Variants in ANKRD39 observed in about 807,000 individuals in gnomAD.
ANKRD39 encodes the protein ankyrin repeat domain-containing protein 39.
In ANKRD39, 18 loss-of-function variants were observed where a neutral mutation model predicts 20.3. That is an observed-to-expected ratio of 0.89 (90% CI 0.61 to 1.32). The LOEUF (loss-of-function observed/expected upper bound fraction) is 1.32, where lower values mean the gene tolerates loss of function less well. ANKRD39 is among the 40% of genes most tolerant of loss of function. ANKRD39 has a pLI of 0.00. For missense variants in ANKRD39, 243 were observed against 250.7 expected, an observed-to-expected ratio of 0.97 and a Z score of 0.21; for synonymous variants, 106 against 111.9, an observed-to-expected ratio of 0.95 and a Z score of 0.33.
At chr2:96,856,923 G>GT (rs758352177) in intron 1 of ANKRD39, among the ~76,000 whole-genome samples, 10 of 152,178 alleles carry the variant, frequency 6.6e-5, no homozygotes, top group Non-Finnish European at 1.0e-4. Context: ...TGGCTGCGGC[G>GT]TAGTGATTGG....
chr2:96,857,908 T>G lies in ANKRD39; in HGVS notation c.80A>C (p.Glu27Ala). The change falls in exon 1 of 4, where the codon GAG becomes GCG. Residue 27 changes from glutamate to alanine, a missense_variant. By Grantham distance (107) the Glu-to-Ala change is moderately radical. Coordinates refer to ENST00000393537, the MANE Select transcript of ANKRD39 (RefSeq NM_016466.6). ...SAVLGVQQTLEEMDFERGIWS... is the reference protein window; with the variant it reads ...SAVLGVQQTLAEMDFERGIWS... Reference sequence around the variant, plus strand: ...CTCACCCCTCTCGAAGTCCATCTCCTCCAGCGTCTGCTGTACGCCGAGCAC... The same window carrying G: ...CTCACCCCTCTCGAAGTCCATCTCCGCCAGCGTCTGCTGTACGCCGAGCAC... The G allele has an allele frequency of 6.3e-7, 1 of 1,584,474 alleles. No homozygotes were observed. Among genetic ancestry groups the G allele is most frequent in the Non-Finnish European group, 8.5e-7 (1 of 1,171,892 alleles).
chr2:96,848,548 T>G (rs1404770846), intron 3 of ANKRD39, 104 bp from the exon 4 acceptor site: 1 of 1,444,428 alleles, frequency 6.9e-7, no homozygotes, highest in African/African-American at 1.4e-5. Flanking sequence ...GAGGCCTCTC[T>G]GGGCGCAGTG....
chr2:96,851,226 G>A (rs1020171294), intron 3 of ANKRD39, among the ~76,000 whole-genome samples: 24 of 151,576 alleles, frequency 1.6e-4, no homozygotes, highest in African/African-American at 5.3e-4. Flanking sequence ...GCGCGGTCTC[G>A]GCTCACAGCA....
At position 96,853,590 on chromosome 2, in the gene ANKRD39, G is replaced by A; in HGVS notation, c.219C>T (p.Arg73=). 6.2e-7 allele frequency: 1 copy of A among 1,612,076 alleles called. No individual in the cohort carries two copies. Among genetic ancestry groups the A allele is most frequent in the Non-Finnish European group, 8.5e-7 (1 of 1,179,910 alleles). The change falls in exon 3 of 4, where the codon CGC becomes CGT. Residue 73 remains arginine, a synonymous_variant. Coordinates refer to ENST00000393537, the MANE Select transcript of ANKRD39 (RefSeq NM_016466.6). ...ACTGGCACACAGCGTAGTGCCCATTGCGGCTGGCATAGTGCTGCAGGGAAC... is the reference window on the plus strand; with the variant it reads ...ACTGGCACACAGCGTAGTGCCCATTACGGCTGGCATAGTGCTGCAGGGAAC... ...AGYTALHYAS[R]NGHYAVCQFL... is the part of the protein sequence containing the mutation.
chr2:96,857,960 C>A lies in ANKRD39; in HGVS notation c.28G>T (p.Gly10Trp), dbSNP rs372799678. 1.1e-5 allele frequency: 17 copies of A among 1,566,406 alleles called. No homozygotes were observed. The highest frequency in any genetic ancestry group is 1.8e-5 in the Admixed American group (1 of 54,800). MATPRPCAD[G>W]PCCSHPSAVL... is the part of the protein sequence containing the mutation. ...GCGCTGGGATGCGAGCAGCAGGGCC[C>A]GTCCGCGCAGGGCCGAGGCGTCGCC... The change falls in exon 1 of 4, where the codon GGG becomes TGG. Residue 10 changes from glycine (G) to tryptophan (W), a missense_variant. Gly to Trp is a radical substitution (Grantham distance 184). Coordinates refer to ENST00000393537, the MANE Select transcript of ANKRD39 (RefSeq NM_016466.6).
chr2:96,855,722 C>CA (rs566045028), intron 1 of ANKRD39, among the ~76,000 whole-genome samples: 1,801 of 91,202 alleles, frequency 0.02, 13 homozygotes, highest in Non-Finnish European at 0.031. Flanking sequence ...GACTCCGTCT[C>CA]AAAAAAAAAA....
intron 3 of ANKRD39, among the ~76,000 whole-genome samples, chr2:96,851,487 T>TC (rs2079836845): frequency 6.6e-6 from 1 of 152,072 alleles, no homozygotes. Context: ...AGATGGGTTT[T>TC]GCCATGTTGC....
At position 96,851,997 on chromosome 2, in the gene ANKRD39, T is replaced by A. The variant is rs74535942; in HGVS notation, c.408+1404A>T. ...GTCGAGACGATAGTGAGAGACCCTGTCTCTACTACTACTACTAATAATTTT... is the reference window on the plus strand; with the variant it reads ...GTCGAGACGATAGTGAGAGACCCTGACTCTACTACTACTACTAATAATTTT... On this transcript the variant is annotated intron_variant, in intron 3 of 3. Coordinates refer to ENST00000393537, the MANE Select transcript of ANKRD39 (RefSeq NM_016466.6). Among the ~76,000 whole-genome samples, 853 of 152,138 alleles carry A rather than the reference T, an allele frequency of 5.6e-3. 11 individuals carry two copies. The highest frequency in any genetic ancestry group is 0.019 in the African/African-American group (807 of 41,474).
intron 3 of ANKRD39, among the ~76,000 whole-genome samples, chr2:96,852,653 G>A (rs893018762): frequency 3.3e-5 from 5 of 151,888 alleles, no homozygotes; most frequent in Non-Finnish European, 5.9e-5. Flanking sequence ...TTAAACAATC[G>A]CTCCAGGAGA....
chr2:96,855,708 G>C (rs1312213985), intron 1 of ANKRD39, among the ~76,000 whole-genome samples: 4 of 145,426 alleles, frequency 2.8e-5, no homozygotes, highest in Admixed American at 1.4e-4. Flanking sequence ...GGGCGACAGA[G>C]CGAGACTCCG....
chr2:96,856,157 G>T (rs1490566131), intron 1 of ANKRD39, among the ~76,000 whole-genome samples: 1 of 152,146 alleles, frequency 6.6e-6, no homozygotes, highest in Non-Finnish European at 1.5e-5. Flanking sequence ...TGAGGAAATT[G>T]TTTGCGGTAA....
rs367607424 is a variant in ANKRD39, at chr2:96,857,954, A to C, written c.34T>G (p.Cys12Gly). 2.5e-6 allele frequency: 4 copies of C among 1,572,020 alleles called. No individual in the cohort carries two copies. The highest frequency in any genetic ancestry group is 3.4e-6 in the Non-Finnish European group (4 of 1,166,402). ...AGCACCGCGCTGGGATGCGAGCAGC[A>C]GGGCCCGTCCGCGCAGGGCCGAGGC... is the stretch of plus-strand genomic sequence containing the variant. ...ATPRPCADGP[C>G]CSHPSAVLGV... Residue 12 changes from cysteine (C) to glycine (G), a missense_variant, in exon 1 of 4, where the codon TGC becomes GGC. By Grantham distance (159) the Cys-to-Gly change is radical. Transcript: ENST00000393537.
rs115120038 is a variant in ANKRD39, at chr2:96,848,484, C to T, written c.409-40G>A. 14 of 1,610,650 alleles carry T rather than the reference C, an allele frequency of 8.7e-6. No individual in the cohort carries two copies. The East Asian group carries it at 2.2e-4, about 26-fold the overall frequency. On this transcript the variant is annotated intron_variant, in intron 3 of 3. Coordinates refer to ENST00000393537, the MANE Select transcript of ANKRD39 (RefSeq NM_016466.6). Reference sequence around the variant, plus strand: ...GCTGGAATCAAAGGGCATACCCCCCCACTGGGCTCTGCTCTCTCTTGTTCC... The same window carrying T: ...GCTGGAATCAAAGGGCATACCCCCCTACTGGGCTCTGCTCTCTCTTGTTCC...
At chr2:96,854,205 A>C (rs1400289503) in intron 2 of ANKRD39, 133 bp downstream of exon 2, 21 of 915,822 alleles carry the variant, frequency 2.3e-5, no homozygotes, top group Non-Finnish European at 3.3e-5. Flanking sequence ...GATGCTTAAA[A>C]AGAGAAATTT....
Position 96,848,547 on chromosome 2 carries a change from C to T in ANKRD39, c.409-103G>A, listed in dbSNP as rs1461648877. The T allele has an allele frequency of 7.5e-6, 11 of 1,475,046 alleles. No homozygotes were observed. The African/African-American group carries it at 1.5e-4, about 21-fold the overall frequency. The allele number at this position is 1,475,046 out of a possible 1,614,324, so 91.4% of individuals were successfully genotyped here. A position where few individuals can be genotyped will look rare whatever the true frequency, so the allele number is the denominator to read the frequency against. ...TCTTCCTTCTAAAAAAGAGGCCTCT[C>T]TGGGCGCAGTGGCTCACGCCTGTAA... On this transcript the variant is annotated intron_variant, in intron 3 of 3. Transcript: ENST00000393537.
chr2:96,850,204 T>C (rs1001938587), intron 3 of ANKRD39, among the ~76,000 whole-genome samples: 1 of 152,166 alleles, frequency 6.6e-6, no homozygotes, highest in African/African-American at 2.4e-5. Flanking sequence ...CTATCCCAAA[T>C]TGGAATCCAA....
At chr2:96,855,605 C>A (rs1352025315) in intron 1 of ANKRD39, among the ~76,000 whole-genome samples, 4 of 151,874 alleles carry the variant, frequency 2.6e-5, no homozygotes, top group Non-Finnish European at 4.4e-5. Context: ...CGCCTGTAGT[C>A]CCAGCTACTC....
At chr2:96,857,434 C>T (rs1370017067) in intron 1 of ANKRD39, among the ~76,000 whole-genome samples, 8 of 152,224 alleles carry the variant, frequency 5.3e-5, no homozygotes, top group Non-Finnish European at 1.0e-4. Context: ...AAGCTCTTGC[C>T]ATCTTTAAAG....
chr2:96,857,045 A>G (rs1559026304), intron 1 of ANKRD39, among the ~76,000 whole-genome samples: 1 of 152,184 alleles, frequency 6.6e-6, no homozygotes, highest in African/African-American at 2.4e-5. Flanking sequence ...AATTTTCAAA[A>G]AGCCGCTCTG....
Sources: gnomAD v4.1 joint callset for allele counts (sites outside exome capture counted in the v4.1 genomes callset) on GRCh38, gnomAD v4.1.1 for gene constraint, MANE v1.5 for transcripts, NCBI Gene and HGNC (gene_info 2026-07-23, HGNC 2026-07-21) for gene names.